The following FRY variants were observed in gnomAD, a reference collection of about 807,000 sequenced individuals.
FRY encodes the protein FRY microtubule binding protein, also known as protein furry homolog.
In FRY, 128 loss-of-function variants were observed where a neutral mutation model predicts 348.4. The observed-to-expected ratio is 0.37, with a 90% CI of 0.32 to 0.43. The LOEUF (loss-of-function observed/expected upper bound fraction) is 0.43, where lower values mean the gene tolerates loss of function less well. FRY is among the 20% of genes least tolerant of loss of function. The pLI is 1.00. For synonymous variants in FRY, 1,370 were observed against 1,374.7 expected (o/e 1.00, Z 0.08); for missense variants, 2,736 against 3,695.2 (o/e 0.74, Z 6.73).
intron 14 of FRY, among the ~76,000 whole-genome samples, chr13:32,151,355 G>A (rs563054321): frequency 5.3e-5 from 8 of 152,202 alleles, no homozygotes; most frequent in South Asian, 2.1e-4. Context: ...TCCATTTCTC[G>A]TGATCTTGTA....
chr13:32,037,075 C>A (rs1471316251), intron 1 of FRY, among the ~76,000 whole-genome samples: 4 of 150,670 alleles, frequency 2.7e-5, no homozygotes, highest in Non-Finnish European at 5.9e-5. Context: ...CACACACGTG[C>A]TGGAGAGCAC....
chr13:32,135,221 C>A, intron 10 of FRY, 38 bp downstream of exon 10: 1 of 1,191,782 alleles, frequency 8.4e-7, no homozygotes, highest in Non-Finnish European at 1.3e-6. Context: ...ACAAACAAAA[C>A]TGCACAGACT....
At chr13:32,103,627 T>C (rs867701453) in intron 3 of FRY, among the ~76,000 whole-genome samples, 2 of 152,280 alleles carry the variant, frequency 1.3e-5, no homozygotes, top group Middle Eastern at 3.4e-3. Context: ...AACCTGCACG[T>C]TGTGCACATG....
intron 26 of FRY, among the ~76,000 whole-genome samples, chr13:32,185,785 A>C (rs559328408): frequency 6.6e-6 from 1 of 152,226 alleles, no homozygotes; most frequent in Non-Finnish European, 1.5e-5. Context: ...TTTTGATGTT[A>C]ATAACCTTCT....
chr13:32,058,189 G>C (rs577525808), intron 1 of FRY, among the ~76,000 whole-genome samples: 28 of 152,206 alleles, frequency 1.8e-4, no homozygotes, highest in African/African-American at 6.7e-4. Context: ...TAAAATATAT[G>C]ACTTTTTTTG....
chr13:32,268,505 A>AAAAAAAAAATATAT (rs1555273232), intron 55 of FRY, among the ~76,000 whole-genome samples: 2 of 28,306 alleles, frequency 7.1e-5, no homozygotes, highest in African/African-American at 1.9e-4. Context: ...AAAAAAAAAA[A>AAAAAAAAAATATAT]ATATATATAT....
At chr13:32,054,733 G>C (rs1873530153) in intron 1 of FRY, among the ~76,000 whole-genome samples, 1 of 152,052 alleles carries the variant, frequency 6.6e-6, no homozygotes, top group African/African-American at 2.4e-5. Context: ...AAATTAGCCG[G>C]GCATGGTGGT....
intron 2 of FRY, among the ~76,000 whole-genome samples, chr13:32,089,020 A>C (rs1185105534): frequency 6.6e-6 from 1 of 152,224 alleles, no homozygotes; most frequent in Non-Finnish European, 1.5e-5. Context: ...GTTCAATAAT[A>C]ATGGCATAAT....
At chr13:32,052,860 TC>T (rs112478331) in intron 1 of FRY, among the ~76,000 whole-genome samples, 1,569 of 152,324 alleles carry the variant, frequency 0.01, 34 homozygotes, top group African/African-American at 0.036. Flanking sequence ...ATGCCTGTAA[TC>T]CCAGTGCTTT....
chr13:32,205,000 C>T (rs562765473), intron 31 of FRY, among the ~76,000 whole-genome samples: 1 of 152,042 alleles, frequency 6.6e-6, no homozygotes, highest in African/African-American at 2.4e-5. Flanking sequence ...GCCAGGAGTT[C>T]GAGACCAGCC....
At chr13:32,151,409 C>G (rs1438670470) in intron 14 of FRY, among the ~76,000 whole-genome samples, 2 of 152,202 alleles carry the variant, frequency 1.3e-5, no homozygotes, top group African/African-American at 2.4e-5. Context: ...TAATTATAAG[C>G]CCAAAGGCAT....
In FRY at chr13:32,262,436, G is replaced by T; in HGVS notation, c.7740G>T (p.Leu2580Phe). Reference protein sequence around the residue: ...NTRMSSFDASLPDMNNLQISE... With the variant: ...NTRMSSFDASFPDMNNLQISE... ...GAATGTCCAGCTTTGATGCTTCCTTGCCTGATATGAATAATCTGCAGATTT... is the reference window on the plus strand; with the variant it reads ...GAATGTCCAGCTTTGATGCTTCCTTTCCTGATATGAATAATCTGCAGATTT... The change falls in exon 53 of 61, where the codon TTG (leucine) becomes TTT (phenylalanine). Residue 2580 changes from leucine to phenylalanine, a missense_variant. Transcript: ENST00000542859. The T allele has an allele frequency of 6.2e-7, 1 of 1,613,622 alleles. No individual in the cohort carries two copies. Among genetic ancestry groups the T allele is most frequent in the Non-Finnish European group, 8.5e-7 (1 of 1,179,682 alleles).
At chr13:32,096,560 G>A (rs993050582) in intron 2 of FRY, among the ~76,000 whole-genome samples, 8 of 152,134 alleles carry the variant, frequency 5.3e-5, no homozygotes, top group African/African-American at 1.9e-4. Context: ...GGAGGCCCAG[G>A]TGGGCGGATC....
chr13:32,240,340 C>G (rs566531529), intron 46 of FRY, among the ~76,000 whole-genome samples: 2 of 152,326 alleles, frequency 1.3e-5, no homozygotes, highest in Middle Eastern at 3.4e-3. Context: ...CCTGTCAGTA[C>G]ACGGCACAGA....
intron 36 of FRY, among the ~76,000 whole-genome samples, chr13:32,219,380 C>T (rs1458342015): frequency 5.4e-5 from 8 of 149,146 alleles, no homozygotes; most frequent in African/African-American, 1.7e-4. Flanking sequence ...TGAGCCACCG[C>T]GCCCGGCCGT....
intron 36 of FRY, among the ~76,000 whole-genome samples, chr13:32,223,448 T>A (rs532948926): frequency 1.3e-5 from 2 of 152,278 alleles, no homozygotes; most frequent in South Asian, 4.1e-4. Flanking sequence ...TTCTCACCCA[T>A]TTGATCATGT....
chr13:32,194,942 C>T (rs1883586419), intron 29 of FRY, among the ~76,000 whole-genome samples: 1 of 152,080 alleles, frequency 6.6e-6, no homozygotes, highest in Non-Finnish European at 1.5e-5. Context: ...GGGAAACCAG[C>T]TCGTTTATTT....
At chr13:32,230,715 A>G (rs798969) in intron 40 of FRY, among the ~76,000 whole-genome samples, 115,076 of 152,106 alleles carry the variant, frequency 0.76, 44,602 homozygotes, top group East Asian at 0.99. Flanking sequence ...CTGTCTCTGG[A>G]TCTTTGAGGA....
In FRY at chr13:32,253,598, A is replaced by C. The variant is rs150031950; in HGVS notation, c.7246-626A>C. Among the ~76,000 whole-genome samples, 6 of 152,360 alleles carry C rather than the reference A, an allele frequency of 3.9e-5. No individual in the cohort carries two copies. In the East Asian group the frequency reaches 9.6e-4, roughly 24 times the overall value. ...TAGAAGTTAATCTTAAAACATTAAC[A>C]TACTAAAGATTTTAATAGTAAAAAA... On this transcript the variant is annotated intron_variant, in intron 50 of 60. Transcript: ENST00000542859.
Sources: gnomAD v4.1 joint callset for allele counts (sites outside exome capture counted in the v4.1 genomes callset) on GRCh38, gnomAD v4.1.1 for gene constraint, MANE v1.5 for transcripts, NCBI Gene and HGNC (gene_info 2026-07-23, HGNC 2026-07-21) for gene names.